Variants in MGA observed in about 807,000 individuals in gnomAD.
The protein encoded by MGA is MAX gene-associated protein.
In MGA, 40 loss-of-function variants were observed where a neutral mutation model predicts 261.1. The observed-to-expected ratio is 0.15, with a 90% CI of 0.12 to 0.20. The LOEUF is 0.20. Among genes scored for constraint, MGA ranks in the 10% least tolerant of loss-of-function variants. The probability of loss-of-function intolerance (pLI) is 1.00; values close to 1 mark genes in which losing one functional copy is unlikely to be tolerated. For synonymous variants in MGA, 1,302 were observed against 1,290.6 expected, an observed-to-expected ratio of 1.01 and a Z score of -0.19; for missense variants, 3,397 against 3,630.5, an observed-to-expected ratio of 0.94 and a Z score of 1.65.
chr15:41,695,944 G>T, intron 2 of MGA, 131 bp from the exon 3 acceptor site: 1 of 684,696 alleles, frequency 1.5e-6, no homozygotes, highest in Non-Finnish European at 2.4e-6. Flanking sequence ...GTTTTTGAGT[G>T]TTTTTGAGGA....
upstream of MGA, among the ~76,000 whole-genome samples, chr15:41,655,506 A>T (rs1370612989): frequency 1.3e-5 from 2 of 152,002 alleles, no homozygotes; most frequent in African/African-American, 4.8e-5. Flanking sequence ...TTTACTTATA[A>T]TACCTAGTAT....
chr15:41,742,719 G>C lies in MGA; in HGVS notation c.4759G>C (p.Val1587Leu). 6.2e-7 allele frequency: 1 copy of C among 1,614,004 alleles called. No individual in the cohort carries two copies. The highest frequency in any genetic ancestry group is 1.1e-5 in the South Asian group (1 of 91,082). Residue 1587 changes from valine (V) to leucine (L), a missense_variant, in exon 15 of 24, where the codon GTT becomes CTT. By Grantham distance (32) the Val-to-Leu change is conservative. Coordinates refer to ENST00000219905, the MANE Select transcript of MGA (RefSeq NM_001164273.2). ...CACACCTGTGGTTTCTTCTGAGCCA[G>C]TTCAGGTGTGCAGCCCTGTGACTGC...
chr15:41,663,807 G>A (rs954767329), intron 1 of MGA, among the ~76,000 whole-genome samples: 3 of 152,006 alleles, frequency 2.0e-5, no homozygotes, highest in South Asian at 4.1e-4. Flanking sequence ...TGAGTTTTGC[G>A]GTTGGCTTAA....
chr15:41,720,565 C>T (rs894022071), intron 9 of MGA, among the ~76,000 whole-genome samples: 1 of 152,094 alleles, frequency 6.6e-6, no homozygotes, highest in Non-Finnish European at 1.5e-5. Context: ...GACGCGATGG[C>T]TTACACCTGT....
At chr15:41,743,934 C>A (rs2062269092) in intron 15 of MGA, among the ~76,000 whole-genome samples, 1 of 152,112 alleles carries the variant, frequency 6.6e-6, no homozygotes, top group Admixed American at 6.5e-5. Flanking sequence ...CCAGATGCAA[C>A]TAGCTAAAGT....
chr15:41,759,911 G>A (rs536293252), intron 19 of MGA, among the ~76,000 whole-genome samples: 1 of 152,264 alleles, frequency 6.6e-6, no homozygotes, highest in South Asian at 2.1e-4. Context: ...ATTTAGAAGA[G>A]TGGCAGTTGA....
At chr15:41,722,505 A>G (rs1461379672) in intron 9 of MGA, among the ~76,000 whole-genome samples, 1 of 152,138 alleles carries the variant, frequency 6.6e-6, no homozygotes, top group East Asian at 1.9e-4. Flanking sequence ...AGAGGTAGCT[A>G]TCATTTAAGT....
chr15:41,659,574 T>C (rs1428659614), upstream of MGA, among the ~76,000 whole-genome samples: 1 of 152,228 alleles, frequency 6.6e-6, no homozygotes, highest in African/African-American at 2.4e-5. Context: ...AGAAAACTAC[T>C]TTTTGAAGGT....
At chr15:41,745,884 G>C (rs1421756203) in intron 15 of MGA, among the ~76,000 whole-genome samples, 1 of 152,180 alleles carries the variant, frequency 6.6e-6, no homozygotes, top group African/African-American at 2.4e-5. Flanking sequence ...GGGATTACAG[G>C]CATGAGCCAC....
chr15:41,718,975 T>C (rs143822086), intron 9 of MGA, among the ~76,000 whole-genome samples: 1 of 152,096 alleles, frequency 6.6e-6, no homozygotes, highest in East Asian at 1.9e-4. Context: ...AAAAATTGGC[T>C]TTATTCATGG....
intron 1 of MGA, among the ~76,000 whole-genome samples, chr15:41,635,340 A>G (rs1482288077): frequency 6.6e-6 from 1 of 151,850 alleles, no homozygotes; most frequent in Non-Finnish European, 1.5e-5. Context: ...TCTCAAATAA[A>G]TAAATAAGTA....
intron 12 of MGA, among the ~76,000 whole-genome samples, chr15:41,735,478 C>T (rs2061724228): frequency 6.6e-6 from 1 of 152,202 alleles, no homozygotes; most frequent in Non-Finnish European, 1.5e-5. Context: ...TGGCTCACGC[C>T]TGTAATCCCA....
At chr15:41,720,740 C>T (rs1371409657) in intron 9 of MGA, among the ~76,000 whole-genome samples, 2 of 151,822 alleles carry the variant, frequency 1.3e-5, no homozygotes, top group African/African-American at 2.4e-5. Context: ...GGCTGAGCCA[C>T]GAGAATCTCT....
chr15:41,633,432 C>T (rs2056635513), intron 1 of MGA, among the ~76,000 whole-genome samples: 1 of 150,184 alleles, frequency 6.7e-6, no homozygotes, highest in African/African-American at 2.5e-5. Flanking sequence ...TGGTTCACTG[C>T]AACCTCTGCC....
At chr15:41,708,054 A>G in intron 6 of MGA, 50 bp from the exon 7 acceptor site, 2 of 1,471,244 alleles carry the variant, frequency 1.4e-6, no homozygotes, top group Non-Finnish European at 9.2e-7. Flanking sequence ...TAGGTCCATA[A>G]TATTGGCCTG....
chr15:41,746,402 G>T (rs762252059), intron 15 of MGA, among the ~76,000 whole-genome samples: 4 of 151,956 alleles, frequency 2.6e-5, no homozygotes. Context: ...AAATTAGCCG[G>T]ATGTGGTGGT....
intron 16 of MGA, 67 bp downstream of exon 16, chr15:41,748,994 C>G: frequency 6.4e-7 from 1 of 1,554,936 alleles, no homozygotes; most frequent in Non-Finnish European, 8.7e-7. Context: ...TGTTAATACA[C>G]CAAGATTGTT....
chr15:41,712,639 C>G (rs914813235), intron 8 of MGA, among the ~76,000 whole-genome samples: 8 of 152,124 alleles, frequency 5.3e-5, no homozygotes, highest in African/African-American at 1.9e-4. Context: ...TTCATAAAGA[C>G]TTTTATTTAT....
intron 1 of MGA, among the ~76,000 whole-genome samples, chr15:41,645,836 T>C (rs1156663347): frequency 6.6e-6 from 1 of 152,210 alleles, no homozygotes; most frequent in Non-Finnish European, 1.5e-5. Flanking sequence ...AGGAAGTGTA[T>C]GTACTTTGAC....
Sources: gnomAD v4.1 joint callset for allele counts (sites outside exome capture counted in the v4.1 genomes callset) on GRCh38, gnomAD v4.1.1 for gene constraint, MANE v1.5 for transcripts, NCBI Gene and HGNC (gene_info 2026-07-23, HGNC 2026-07-21) for gene names.